The following ADGRB3 variants were observed in gnomAD, a reference collection of about 807,000 sequenced individuals.
ADGRB3 encodes adhesion G protein-coupled receptor B3, also known as brain-specific angiogenesis inhibitor 3.
In ADGRB3, 37 loss-of-function variants were observed where a neutral mutation model predicts 193.4. That is an observed-to-expected ratio of 0.19 (90% CI 0.15 to 0.25). ADGRB3 has a LOEUF of 0.25. ADGRB3 is among the 10% of genes least tolerant of loss of function. The pLI is 1.00. For synonymous variants in ADGRB3, 690 were observed against 644.2 expected, an observed-to-expected ratio of 1.07 and a Z score of -1.08; for missense variants, 1,637 against 1,852.9, an observed-to-expected ratio of 0.88 and a Z score of 2.14.
chr6:68,733,552 T>A (rs1431229998), intron 3 of ADGRB3, among the ~76,000 whole-genome samples: 4 of 151,694 alleles, frequency 2.6e-5, no homozygotes. Context: ...CCTGGGGAAA[T>A]GCGTTCACTA....
intron 28 of ADGRB3, among the ~76,000 whole-genome samples, chr6:69,360,667 A>G (rs541831732): frequency 6.6e-6 from 1 of 152,064 alleles, no homozygotes; most frequent in East Asian, 1.9e-4. Flanking sequence ...GAGATCTATG[A>G]GAGCATAACA....
chr6:69,244,082 T>C (rs1766439173), intron 20 of ADGRB3, among the ~76,000 whole-genome samples: 1 of 152,012 alleles, frequency 6.6e-6, no homozygotes, highest in African/African-American at 2.4e-5. Context: ...TAGCATTATT[T>C]AGGAGGAAAT....
intron 20 of ADGRB3, among the ~76,000 whole-genome samples, chr6:69,276,736 G>A (rs1037546340): frequency 3.3e-5 from 5 of 151,944 alleles, no homozygotes; most frequent in Admixed American, 6.6e-5. Context: ...TCCTCCTTTC[G>A]TCACTTGCCA....
At chr6:69,089,929 C>G (rs1772658345) in intron 17 of ADGRB3, among the ~76,000 whole-genome samples, 1 of 152,194 alleles carries the variant, frequency 6.6e-6, no homozygotes, top group African/African-American at 2.4e-5. Flanking sequence ...GGTTGAGAAC[C>G]ATTGATATAG....
chr6:69,109,279 G>A (rs988274591), intron 17 of ADGRB3, among the ~76,000 whole-genome samples: 2 of 152,120 alleles, frequency 1.3e-5, no homozygotes, highest in Non-Finnish European at 2.9e-5. Context: ...TTTAAAGAGG[G>A]ATGTAGAAGT....
intron 20 of ADGRB3, among the ~76,000 whole-genome samples, chr6:69,250,777 C>A (rs1325429774): frequency 6.6e-6 from 1 of 152,202 alleles, no homozygotes; most frequent in African/African-American, 2.4e-5. Context: ...TGTCAAGTTA[C>A]TTAACCATTC....
chr6:69,071,619 T>G (rs922358909), intron 16 of ADGRB3, among the ~76,000 whole-genome samples: 27 of 152,172 alleles, frequency 1.8e-4, no homozygotes, highest in African/African-American at 6.5e-4. Context: ...TGGCAGTTTT[T>G]GTTTGTTTGT....
chr6:68,835,114 A>C (rs1308324838), intron 3 of ADGRB3, among the ~76,000 whole-genome samples: 1 of 152,186 alleles, frequency 6.6e-6, no homozygotes, highest in African/African-American at 2.4e-5. Flanking sequence ...TTCAGAACAC[A>C]TTAAACTTTG....
chr6:69,386,517 C>A (rs976940626), intron 31 of ADGRB3, among the ~76,000 whole-genome samples: 6 of 152,026 alleles, frequency 3.9e-5, no homozygotes, highest in African/African-American at 1.4e-4. Context: ...CCATAGTGCC[C>A]CTAAACGTTC....
intron 17 of ADGRB3, among the ~76,000 whole-genome samples, chr6:69,143,894 G>A (rs1774410627): frequency 6.6e-6 from 1 of 152,074 alleles, no homozygotes; most frequent in Admixed American, 6.5e-5. Context: ...TACATTTCAG[G>A]ATTGTTTTTC....
At chr6:69,209,420 G>A (rs1765608024) in intron 17 of ADGRB3, among the ~76,000 whole-genome samples, 1 of 152,182 alleles carries the variant, frequency 6.6e-6, no homozygotes, top group South Asian at 2.1e-4. Context: ...TACTGAGGTA[G>A]AAGGTCCCTG....
Position 68,888,292 on chromosome 6 carries a change from T to G in ADGRB3, c.758-42267T>G, listed in dbSNP as rs139848628. 1.4e-4 allele frequency among the ~76,000 whole-genome samples: 21 copies of G among 152,246 alleles called. No individual in the cohort carries two copies. The East Asian group carries it at 3.5e-3, about 25-fold the overall frequency. On this transcript the variant is annotated intron_variant, in intron 3 of 31. Transcript: ENST00000370598. ...TGACTTATTAATGCAGTTCAATAAA[T>G]GTTTTCTTATATTTATAATAAGAGA...
chr6:69,116,571 T>C (rs548247233), intron 17 of ADGRB3, among the ~76,000 whole-genome samples: 22 of 152,036 alleles, frequency 1.4e-4, no homozygotes, highest in Non-Finnish European at 2.9e-4. Flanking sequence ...TCAGGAAAAA[T>C]AAGGATTACA....
intron 13 of ADGRB3, among the ~76,000 whole-genome samples, chr6:69,039,023 C>T (rs897871694): frequency 1.3e-5 from 2 of 152,000 alleles, no homozygotes; most frequent in Non-Finnish European, 2.9e-5. Context: ...GTGAATCATC[C>T]CTTTGATTGG....
rs182299495 is a variant in ADGRB3 at position 68,715,181 on chromosome 6, G to A, written c.757+75749G>A. On this transcript the variant is annotated intron_variant, in intron 3 of 31. Coordinates refer to ENST00000370598, the MANE Select transcript of ADGRB3 (RefSeq NM_001704.3). ...GTACATTAATATTAATAACCATTAT[G>A]GTTCTATATATTGAAATTGCATCAG... Among the ~76,000 whole-genome samples the A allele has an allele frequency of 5.9e-5, 9 of 151,522 alleles. No individual in the cohort carries two copies. The East Asian group carries it at 1.8e-3, about 30-fold the overall frequency.
chr6:69,104,612 G>C (rs1773159236), intron 17 of ADGRB3, among the ~76,000 whole-genome samples: 1 of 151,876 alleles, frequency 6.6e-6, no homozygotes, highest in African/African-American at 2.4e-5. Context: ...AGAATATGTT[G>C]CTCTTTTCTA....
chr6:68,825,670 A>T (rs919645552), intron 3 of ADGRB3, among the ~76,000 whole-genome samples: 2 of 152,090 alleles, frequency 1.3e-5, no homozygotes, highest in Non-Finnish European at 2.9e-5. Context: ...GGTTTCCCCC[A>T]TGCTGTTCTC....
At chr6:69,248,156 G>T (rs1170073720) in intron 20 of ADGRB3, among the ~76,000 whole-genome samples, 4 of 152,080 alleles carry the variant, frequency 2.6e-5, no homozygotes, top group Non-Finnish European at 5.9e-5. Flanking sequence ...TTCTCCCTAT[G>T]TATTATTTTT....
chr6:68,754,682 T>C (rs1766265473), intron 3 of ADGRB3, among the ~76,000 whole-genome samples: 1 of 151,814 alleles, frequency 6.6e-6, no homozygotes. Flanking sequence ...TAGATGGGAC[T>C]CCCTCCATTT....
Sources: allele counts gnomAD v4.1 joint callset (sites outside exome capture counted in the v4.1 genomes callset), GRCh38; gene constraint gnomAD v4.1.1; transcripts MANE v1.5; gene names NCBI Gene and HGNC (gene_info 2026-07-23, HGNC 2026-07-21).